The following SP110 variants were observed in gnomAD, a reference collection of about 807,000 sequenced individuals.
SP110 encodes the protein interferon-induced protein 41, 30kD.
SP110 carries 62 observed loss-of-function variants against 92.7 expected under a neutral mutation model. The ratio of observed to expected loss-of-function variants is 0.67; its 90% CI spans 0.55 to 0.83. The LOEUF is 0.83. Ranked by LOEUF, SP110 falls within the 40% of genes least tolerant of loss-of-function variation. SP110 has a pLI of 0.00. For missense variants in SP110, 793 were observed against 863.9 expected, an observed-to-expected ratio of 0.92 and a Z score of 1.03; for synonymous variants, 273 against 305.3, an observed-to-expected ratio of 0.89 and a Z score of 1.10.
rs537324604 is a variant in SP110, at chr2:230,196,832, G to C, written c.1129+4053C>G. Among the ~76,000 whole-genome samples the C allele has an allele frequency of 2.6e-3, 391 of 152,186 alleles. 1 individual carries two copies. Among genetic ancestry groups the C allele is most frequent in the African/African-American group, 8.6e-3 (356 of 41,514 alleles). ...CTTGCAATAGTTTGCAGAGAATGAT[G>C]GTTTCCAGTTTCATCCATGTCCCTA... is the stretch of plus-strand genomic sequence containing the variant. On this transcript the variant is annotated intron_variant, in intron 10 of 18. Transcript: ENST00000258381.
chr2:230,219,945 A>T lies in SP110; in HGVS notation c.-73T>A, dbSNP rs574917389. 7 of 985,342 alleles carry T rather than the reference A, an allele frequency of 7.1e-6. No homozygotes were observed. The African/African-American group carries it at 1.2e-4, about 17-fold the overall frequency. 61.0% of individuals were successfully genotyped at this position (985,342 alleles called of 1,614,324 possible). The stretch of plus-strand genomic sequence containing the variant: ...AGGGATCACTCCTCAAGATTGGGAG[A>T]GTTACAGGGAGATGCTAGCAGGCAA... On this transcript the variant is annotated 5_prime_UTR_variant, in exon 1 of 19. Transcript: ENST00000258381.
At chr2:230,218,169 GACAGTTTTTAACAA>G (rs1459374092) in intron 1 of SP110, among the ~76,000 whole-genome samples, 1 of 152,192 alleles carries the variant, frequency 6.6e-6, no homozygotes, top group African/African-American at 2.4e-5. Flanking sequence ...CAATCAACTT[GACAGTTTTTAACAA>G]ACAGAACAAA....
rs1001939383 is a variant in SP110, at chr2:230,165,436, T to C, written c.*3688A>G. Among the ~76,000 whole-genome samples, 4 of 152,190 alleles carry C rather than the reference T, an allele frequency of 2.6e-5. No homozygotes were observed. The highest frequency in any genetic ancestry group is 9.6e-5 in the African/African-American group (4 of 41,454). On this transcript the variant is annotated 3_prime_UTR_variant, in exon 19 of 19. Transcript: ENST00000258381. ...AACACATTAATACTGTTCTCAAAAA[T>C]ACAGGTTATCACGTAACACACACTT... is the stretch of plus-strand genomic sequence containing the variant.
In SP110 at chr2:230,167,827, TA is replaced by T. The variant is rs1270370889; in HGVS notation, c.*1296del. ...TCTTGATCCACAGAATAGTGAGCAA[TA>T]AAATGTTTTTTTCTTTTTAAGCAGC... is the stretch of plus-strand genomic sequence containing the variant. On this transcript the variant is annotated 3_prime_UTR_variant, in exon 19 of 19. Coordinates refer to ENST00000258381, the MANE Select transcript of SP110 (RefSeq NM_080424.4). 1.3e-5 allele frequency: 2 copies of T among 152,106 alleles called. No homozygotes were observed. Among genetic ancestry groups the T allele is most frequent in the Admixed American group, 6.5e-5 (1 of 15,276 alleles). 9.4% of individuals were successfully genotyped at this position (152,106 alleles called of 1,614,324 possible). A position where few individuals can be genotyped will look rare whatever the true frequency, so the allele number is the denominator to read the frequency against.
Position 230,168,833 on chromosome 2 carries a change from A to G in SP110, c.*291T>C, listed in dbSNP as rs1426551661. On this transcript the variant is annotated 3_prime_UTR_variant, in exon 19 of 19. Transcript: ENST00000258381. Reference sequence around the variant, plus strand: ...GGAACTTGTTTAGATCCTGATTTGAACAAATCAACTCTAAAAAGACTTATG... The same window carrying G: ...GGAACTTGTTTAGATCCTGATTTGAGCAAATCAACTCTAAAAAGACTTATG... 7 of 324,790 alleles carry G rather than the reference A, an allele frequency of 2.2e-5. No individual in the cohort carries two copies. In the East Asian group the frequency reaches 3.9e-4, roughly 18 times the overall value. 20.1% of individuals were successfully genotyped at this position (324,790 alleles called of 1,614,324 possible).
At chr2:230,218,384 C>G (rs1574805717) in intron 1 of SP110, among the ~76,000 whole-genome samples, 1 of 152,206 alleles carries the variant, frequency 6.6e-6, no homozygotes, top group East Asian at 1.9e-4. Context: ...CATAGGAAAA[C>G]AAGAAAAGAT....
At chr2:230,186,750 T>A (rs566220819) in intron 10 of SP110, among the ~76,000 whole-genome samples, 82 of 152,234 alleles carry the variant, frequency 5.4e-4, no homozygotes, top group Non-Finnish European at 1.1e-3. Flanking sequence ...AGTGAGAACA[T>A]ACAGTATTTG....
At chr2:230,195,079 A>G (rs1407626810) in intron 10 of SP110, among the ~76,000 whole-genome samples, 3 of 151,610 alleles carry the variant, frequency 2.0e-5, no homozygotes, top group Non-Finnish European at 4.4e-5. Flanking sequence ...TTCTTTTTGA[A>G]CTTGGCCATA....
intron 10 of SP110, among the ~76,000 whole-genome samples, chr2:230,196,941 G>A (rs1360154045): frequency 5.3e-5 from 8 of 151,970 alleles, no homozygotes; most frequent in Non-Finnish European, 1.0e-4. Flanking sequence ...CCAGTCTATC[G>A]TTGTTGGACA....
rs1167796838 is a variant in SP110 at position 230,165,203 on chromosome 2, TATG to T, written c.*3918_*3920del. 1.3e-5 allele frequency among the ~76,000 whole-genome samples: 2 copies of T among 152,222 alleles called. No individual in the cohort carries two copies. The highest frequency in any genetic ancestry group is 2.9e-5 in the Non-Finnish European group (2 of 68,044). ...TAAATCAATTTTGAAGGTGAGAAGT[TATG>T]ATAAGTTATATATTATGTTATTAAT... On this transcript the variant is annotated 3_prime_UTR_variant, in exon 19 of 19. Coordinates refer to ENST00000258381, the MANE Select transcript of SP110 (RefSeq NM_080424.4).
At chr2:230,187,352 T>A (rs557284704) in intron 10 of SP110, among the ~76,000 whole-genome samples, 94 of 152,336 alleles carry the variant, frequency 6.2e-4, no homozygotes, top group African/African-American at 2.2e-3. Context: ...TGGGATTTTT[T>A]TCTATAATGT....
upstream of SP110, among the ~76,000 whole-genome samples, chr2:230,224,601 T>G (rs983478938): frequency 2.0e-5 from 3 of 152,098 alleles, no homozygotes; most frequent in Admixed American, 6.5e-5. Context: ...ACCAGATTGG[T>G]GTTTGTTCCT....
rs115073675 is a variant in SP110, at chr2:230,211,035, A to G, written c.751+435T>C. Among the ~76,000 whole-genome samples, 127 of 152,240 alleles carry G rather than the reference A, an allele frequency of 8.3e-4. 1 individual carries two copies. Among genetic ancestry groups the G allele is most frequent in the African/African-American group, 2.6e-3 (110 of 41,548 alleles). ...TTTGCATTTTGACAGAGCCGTTTTG[A>G]GCACTACTTTATTGAAGTGGCCTCA... On this transcript the variant is annotated intron_variant, in intron 6 of 18. Transcript: ENST00000258381. This position sits in a 1 kb window ranked among gnomAD's most constrained non-coding sequence, Gnocchi z 4.2.
rs114446329 is a variant in SP110 at position 230,211,827 on chromosome 2, C to T, written c.668-274G>A. 4.5e-3 allele frequency among the ~76,000 whole-genome samples: 684 copies of T among 152,104 alleles called. 3 individuals carry two copies. Among genetic ancestry groups the T allele is most frequent in the Non-Finnish European group, 7.7e-3 (521 of 67,970 alleles). ...CAATATTATTTGGATCGAAGAGGAC[C>T]CCTCTTCTCAGTACTGGAGAGCTCA... is the stretch of plus-strand genomic sequence containing the variant. On this transcript the variant is annotated intron_variant, in intron 5 of 18. Transcript: ENST00000258381. The surrounding 1 kb of genome is among the most constrained non-coding windows in gnomAD (Gnocchi z 4.2).
intron 10 of SP110, among the ~76,000 whole-genome samples, chr2:230,197,235 C>G (rs2148826143): frequency 6.7e-6 from 1 of 150,124 alleles, no homozygotes; most frequent in East Asian, 2.0e-4. Context: ...GATTGCCATT[C>G]TAACTGGTGT....
intron 18 of SP110, 101 bp from the exon 19 acceptor site, chr2:230,169,338 T>C: frequency 1.3e-6 from 1 of 764,196 alleles, no homozygotes; most frequent in South Asian, 1.4e-5. Context: ...AGTCAGGGTC[T>C]TTCCCCGTCA....
At chr2:230,176,357 A>T (rs2041859313) in intron 14 of SP110, 1 of 816,250 alleles carries the variant, frequency 1.2e-6, no homozygotes. Context: ...TTAAAAAAAA[A>T]TTTGTTAGAG....
chr2:230,215,272 T>A (rs751249405), intron 2 of SP110, among the ~76,000 whole-genome samples, 154 bp from the exon 3 acceptor site: 1 of 152,206 alleles, frequency 6.6e-6, no homozygotes, highest in African/African-American at 2.4e-5. Context: ...GGTAGAGCGG[T>A]CACAGTTTTA....
intron 1 of SP110, among the ~76,000 whole-genome samples, chr2:230,218,626 C>G (rs1459036325): frequency 1.3e-5 from 2 of 152,148 alleles, no homozygotes; most frequent in Non-Finnish European, 2.9e-5. Context: ...CTTCCTCATT[C>G]TTCATCTGTC....
Sources: gnomAD v4.1 joint callset for allele counts (sites outside exome capture counted in the v4.1 genomes callset) on GRCh38, gnomAD v4.1.1 for gene constraint, Gnocchi (gnomAD v3.1) non-coding constraint, MANE v1.5 for transcripts, NCBI Gene and HGNC (gene_info 2026-07-23, HGNC 2026-07-21) for gene names.